Variants in CPLX1 observed in about 807,000 individuals in gnomAD.
The protein encoded by CPLX1 is complexin-1.
A neutral mutation model predicts 15.6 loss-of-function variants in CPLX1; 6 were observed. The observed-to-expected ratio is 0.39, with a 90% confidence interval of 0.21 to 0.76. CPLX1 has a LOEUF of 0.76. CPLX1 is among the 30% of genes least tolerant of loss of function. CPLX1 has a pLI of 0.43. For synonymous variants in CPLX1, 91 were observed against 75.2 expected, an observed-to-expected ratio of 1.21 and a Z score of -1.08; for missense variants, 242 against 188.6, an observed-to-expected ratio of 1.28 and a Z score of -1.66.
chr4:796,952 C>T (rs1158918200), intron 2 of CPLX1, among the ~76,000 whole-genome samples: 2 of 152,160 alleles, frequency 1.3e-5, no homozygotes, highest in East Asian at 1.9e-4. Flanking sequence ...CCCCAGACCC[C>T]CACAGACACA....
At chr4:795,585 G>A (rs1746309496) in intron 2 of CPLX1, among the ~76,000 whole-genome samples, 1 of 152,186 alleles carries the variant, frequency 6.6e-6, no homozygotes, top group African/African-American at 2.4e-5. Flanking sequence ...GACGTACAGG[G>A]GCCGACCCCA....
chr4:810,043 CT>C (rs969062997), intron 2 of CPLX1, among the ~76,000 whole-genome samples: 3 of 136,806 alleles, frequency 2.2e-5, no homozygotes, highest in African/African-American at 8.6e-5. Context: ...TGGATCTGCA[CT>C]TTCTTTTTTT....
Position 786,441 on chromosome 4 carries a change from C to T in CPLX1, c.*60G>A. The T allele has an allele frequency of 6.7e-7, 1 of 1,482,460 alleles. No homozygotes were observed. The highest frequency in any genetic ancestry group is 9.0e-7 in the Non-Finnish European group (1 of 1,109,154). The allele number at this position is 1,482,460 out of a possible 1,614,324, so 91.8% of individuals were successfully genotyped here. Reference sequence around the variant, plus strand: ...CGCTCTGCTCGTCCCTCAGGGGCCTCCGCGGAGGATCTGTAGGGGGAGGGG... The same window carrying T: ...CGCTCTGCTCGTCCCTCAGGGGCCTTCGCGGAGGATCTGTAGGGGGAGGGG... On this transcript the variant is annotated 3_prime_UTR_variant, in exon 4 of 4. Coordinates refer to ENST00000304062, the MANE Select transcript of CPLX1 (RefSeq NM_006651.4).
intron 1 of CPLX1, 82 bp from the exon 2 acceptor site, chr4:824,683 C>A: frequency 2.5e-6 from 2 of 794,376 alleles, no homozygotes; most frequent in East Asian, 5.1e-5. Context: ...TCCTTACCCG[C>A]AATACCTTGT....
chr4:814,696 C>A (rs538011545), intron 2 of CPLX1, among the ~76,000 whole-genome samples: 80 of 152,348 alleles, frequency 5.3e-4, no homozygotes, highest in African/African-American at 1.9e-3. Context: ...CCAGGTTTTC[C>A]CCAGGAGTCC....
chr4:789,674 G>A (rs1156547579), intron 3 of CPLX1, among the ~76,000 whole-genome samples: 2 of 152,200 alleles, frequency 1.3e-5, no homozygotes, highest in Non-Finnish European at 2.9e-5. Context: ...CCTGCTCCCT[G>A]GGCCCGGGCC....
At chr4:806,158 C>T (rs1182520338) in intron 2 of CPLX1, among the ~76,000 whole-genome samples, 1 of 152,180 alleles carries the variant, frequency 6.6e-6, no homozygotes, top group African/African-American at 2.4e-5. Context: ...AACTATACTA[C>T]AAGACTACAG....
At position 786,273 on chromosome 4, in the gene CPLX1, A is replaced by C; in HGVS notation, c.*228T>G. ...GCAAGAGAAAGGGGCGTCCCAGGCG[A>C]TGGGGCTCCAGCCACCCGCGGGCAG... On this transcript the variant is annotated 3_prime_UTR_variant, in exon 4 of 4. Coordinates refer to ENST00000304062, the MANE Select transcript of CPLX1 (RefSeq NM_006651.4). 7.7e-6 allele frequency: 3 copies of C among 387,144 alleles called. No homozygotes were observed. The highest frequency in any genetic ancestry group is 4.1e-5 in the East Asian group (1 of 24,678). The allele number at this position is 387,144 out of a possible 1,614,324, so 24.0% of individuals were successfully genotyped here.
In CPLX1 at chr4:792,532, C is replaced by T; in HGVS notation, c.108G>A (p.Glu36=). The T allele has an allele frequency of 1.2e-6, 2 of 1,613,558 alleles. No homozygotes were observed. The highest frequency in any genetic ancestry group is 3.3e-5 in the Admixed American group (2 of 60,018). The part of the protein sequence containing the change: ...KDPDAAKKEE[E]RQEALRQAEE... ...CCGCCTGGCGCAGCGCCTCCTGCCGCTCCTCCTCCTTCTTGGCGGCGTCTG... is the reference window on the plus strand; with the variant it reads ...CCGCCTGGCGCAGCGCCTCCTGCCGTTCCTCCTCCTTCTTGGCGGCGTCTG... Residue 36 remains glutamate, a synonymous_variant, in exon 3 of 4, where the codon GAG becomes GAA. Coordinates refer to ENST00000304062, the MANE Select transcript of CPLX1 (RefSeq NM_006651.4).
chr4:800,638 G>A (rs1029323246), intron 2 of CPLX1, among the ~76,000 whole-genome samples: 14 of 143,646 alleles, frequency 9.7e-5, no homozygotes, highest in African/African-American at 3.4e-4. Flanking sequence ...CGTAATCCCA[G>A]CACTTTGGGA....
chr4:822,559 G>A (rs61691477), intron 2 of CPLX1, among the ~76,000 whole-genome samples: 3 of 151,928 alleles, frequency 2.0e-5, no homozygotes, highest in East Asian at 1.9e-4. Flanking sequence ...CCCCCTCCCC[G>A]ACCCTGTTTC....
At chr4:813,340 G>A (rs1195824493) in intron 2 of CPLX1, among the ~76,000 whole-genome samples, 1 of 152,050 alleles carries the variant, frequency 6.6e-6, no homozygotes, top group African/African-American at 2.4e-5. Flanking sequence ...GAGAGGCCAG[G>A]TAAATCGGTA....
intron 2 of CPLX1, among the ~76,000 whole-genome samples, chr4:822,227 T>C (rs1746882471): frequency 6.6e-6 from 1 of 151,638 alleles, no homozygotes; most frequent in Non-Finnish European, 1.5e-5. Flanking sequence ...TAACTCTCTC[T>C]GTCTCTCTCT....
chr4:786,817 A>C (rs1746007828), intron 3 of CPLX1, 119 bp from the exon 4 acceptor site: 3 of 1,414,364 alleles, frequency 2.1e-6, no homozygotes, highest in Non-Finnish European at 2.8e-6. Flanking sequence ...CCCCTACCCC[A>C]CCAGGCACAC....
At chr4:824,745 G>A (rs1270786655) in intron 1 of CPLX1, 144 bp from the exon 2 acceptor site, 7 of 694,214 alleles carry the variant, frequency 1.0e-5, no homozygotes, top group Non-Finnish European at 1.8e-5. Context: ...CCTTCGTGAG[G>A]GGCTTCTGTC....
chr4:810,064 T>C (rs1040819227), intron 2 of CPLX1, among the ~76,000 whole-genome samples: 2 of 149,858 alleles, frequency 1.3e-5, no homozygotes, highest in African/African-American at 2.5e-5. Flanking sequence ...TTTTTTTTTT[T>C]TTTGAGATGG....
At chr4:809,436 C>T (rs1015646017) in intron 2 of CPLX1, among the ~76,000 whole-genome samples, 2 of 151,140 alleles carry the variant, frequency 1.3e-5, no homozygotes, top group Non-Finnish European at 3.0e-5. Flanking sequence ...TGCCCTGCCT[C>T]GTGCCCTCAA....
intron 2 of CPLX1, among the ~76,000 whole-genome samples, chr4:820,753 C>G (rs1300043864): frequency 2.0e-5 from 2 of 98,976 alleles, no homozygotes. Context: ...CTCACGTGAA[C>G]CCCCAAGGTG....
intron 2 of CPLX1, among the ~76,000 whole-genome samples, chr4:801,007 ACT>A (rs1272208454): frequency 2.7e-5 from 4 of 149,838 alleles, no homozygotes; most frequent in Non-Finnish European, 3.0e-5. Context: ...ACAAGGCAAG[ACT>A]CTGTCTCAAA....
Sources: allele counts gnomAD v4.1 joint callset (sites outside exome capture counted in the v4.1 genomes callset), GRCh38; gene constraint gnomAD v4.1.1; transcripts MANE v1.5; gene names NCBI Gene and HGNC (gene_info 2026-07-23, HGNC 2026-07-21).